The following UNC13A variants were observed in gnomAD, a reference collection of about 807,000 sequenced individuals.
UNC13A encodes protein unc-13 homolog A.
In UNC13A, 61 loss-of-function variants were observed where a neutral mutation model predicts 219.7. That is an observed-to-expected ratio of 0.28 (90% CI 0.23 to 0.34). The LOEUF is 0.34. UNC13A is among the 10% of genes least tolerant of loss of function. The pLI, the probability that UNC13A is intolerant of heterozygous loss-of-function variation, is 1.00. For synonymous variants in UNC13A, 920 were observed against 884.6 expected, an observed-to-expected ratio of 1.04 and a Z score of -0.71; for missense variants, 1,476 against 2,270.3, an observed-to-expected ratio of 0.65 and a Z score of 7.11.
chr19:17,679,121 G>A (rs2079957732), intron 1 of UNC13A, among the ~76,000 whole-genome samples: 1 of 151,930 alleles, frequency 6.6e-6, no homozygotes, highest in Admixed American at 6.6e-5. Context: ...AGGGAGAGAG[G>A]CTGGGCGTGG....
intron 37 of UNC13A, 83 bp downstream of exon 37, chr19:17,621,749 C>A (rs2076731991): frequency 1.3e-6 from 2 of 1,490,260 alleles, no homozygotes; most frequent in East Asian, 4.5e-5. Context: ...GCCCTTCCTG[C>A]CCAGGTGCAC....
chr19:17,663,749 C>T (rs2079593494), intron 7 of UNC13A, among the ~76,000 whole-genome samples, 182 bp from the exon 8 acceptor site: 1 of 152,082 alleles, frequency 6.6e-6, no homozygotes, highest in Admixed American at 6.6e-5. Flanking sequence ...CTCTGCTCTC[C>T]ACCTTGGGAG....
chr19:17,671,489 G>A (rs573282473), intron 4 of UNC13A, among the ~76,000 whole-genome samples: 9 of 152,226 alleles, frequency 5.9e-5, no homozygotes, highest in African/African-American at 2.2e-4. Context: ...ACATGACCAC[G>A]GCCTGGCATG....
At chr19:17,628,315 T>TTACGGC in intron 31 of UNC13A, 1 of 195,722 alleles carries the variant, frequency 5.1e-6, no homozygotes, top group Non-Finnish European at 1.0e-5. Context: ...TGAAGGCGTG[T>TTACGGC]GCCCTCACCC....
Position 17,618,903 on chromosome 19 carries a change from C to T in UNC13A, c.4329+3G>A. ...CACGCCATAATCTATCCCCACTCCT[C>T]ACCTTGAGTTTGGACAGCTGACCCA... On this transcript the variant is annotated splice_donor_region_variant and intron_variant, in intron 39 of 43. Coordinates refer to ENST00000519716, the MANE Select transcript of UNC13A (RefSeq NM_001080421.3). The T allele has an allele frequency of 6.2e-7, 1 of 1,613,968 alleles. No homozygotes were observed. The highest frequency in any genetic ancestry group is 8.5e-7 in the Non-Finnish European group (1 of 1,179,872).
chr19:17,658,091 G>A lies in UNC13A; in HGVS notation c.738C>T (p.Tyr246=), dbSNP rs377524731. The change falls in exon 9 of 44, where the codon TAC becomes TAT. Residue 246 remains tyrosine (Y), a synonymous_variant. Transcript: ENST00000519716. Reference sequence around the variant, plus strand: ...GGGCTTGTGGCTCAGAGAACTCCTCGTAACTGTGCATGGAGTCACTGTAGG... The same window carrying A: ...GGGCTTGTGGCTCAGAGAACTCCTCATAACTGTGCATGGAGTCACTGTAGG... ...RESYSDSMHS[Y]EEFSEPQALS... 7.7e-5 allele frequency: 124 copies of A among 1,613,586 alleles called. 1 individual carries two copies. In the African/African-American group the frequency reaches 1.3e-3, roughly 17 times the overall value.
intron 41 of UNC13A, 89 bp downstream of exon 41, chr19:17,617,612 CA>C (rs1354436413): frequency 3.4e-5 from 52 of 1,551,560 alleles, no homozygotes; most frequent in Non-Finnish European, 4.2e-5. Flanking sequence ...CATGACGTCA[CA>C]GGGGAGTGAG....
chr19:17,648,299 T>C, intron 16 of UNC13A, 132 bp downstream of exon 16: 2 of 378,486 alleles, frequency 5.3e-6, no homozygotes, highest in Non-Finnish European at 6.7e-6. Context: ...CTCCCCTGCC[T>C]CACGACGCCC....
chr19:17,609,891 G>C (rs1050125733), intron 43 of UNC13A, 49 bp downstream of exon 43: 8 of 1,604,794 alleles, frequency 5.0e-6, no homozygotes, highest in African/African-American at 2.7e-5. Context: ...TTCACCTGGC[G>C]GATGCCCCCT....
In UNC13A at chr19:17,647,495, G is replaced by A; in HGVS notation, c.1817-3C>T. 1 of 1,610,678 alleles carries A rather than the reference G, an allele frequency of 6.2e-7. No homozygotes were observed. The highest frequency in any genetic ancestry group is 8.5e-7 in the Non-Finnish European group (1 of 1,179,406). On this transcript the variant is annotated splice_region_variant and splice_polypyrimidine_tract_variant and intron_variant, in intron 16 of 43. Transcript: ENST00000519716. ...CTTGGAGCTCTTCTCCGCAGCCCCT[G>A]AGGACGCCCGAGGCCGGCGCTGACC... is the stretch of plus-strand genomic sequence containing the variant.
At chr19:17,669,420 G>C (rs770437242) in intron 5 of UNC13A, 133 bp downstream of exon 5, 1 of 1,291,040 alleles carries the variant, frequency 7.7e-7, no homozygotes, top group African/African-American at 1.5e-5. Flanking sequence ...TCTCTCCTCC[G>C]GGGCGAAGGA....
At position 17,649,698 on chromosome 19, in the gene UNC13A, C is replaced by CA. The variant is rs1438257130; in HGVS notation, c.1440-112dup. The CA allele has an allele frequency of 6.1e-5, 73 of 1,198,882 alleles. No homozygotes were observed. Among genetic ancestry groups the CA allele is most frequent in the Admixed American group, 1.4e-4 (7 of 50,144 alleles). The allele number at this position is 1,198,882 out of a possible 1,614,324, so 74.3% of individuals were successfully genotyped here. On this transcript the variant is annotated intron_variant, in intron 12 of 43. Transcript: ENST00000519716. This position sits in a 1 kb window ranked among gnomAD's most constrained non-coding sequence, Gnocchi z 4.4. ...TGTTAAGGGGTTGAATTGGGTCCCT[C>CA]AAAAAAAAGATACGCTGATGCCCTA...
chr19:17,647,308 C>T lies in UNC13A; in HGVS notation c.2001G>A (p.Val667=). The part of the protein sequence containing the change: ...TQQMKAVKQS[V]LDGTSKWSAK... ...CGGACCACTTGGACGTGCCGTCCAG[C>T]ACGCTCTGCTTGACCGCCTTCATCT... The change falls in exon 17 of 44, where the codon GTG becomes GTA. Residue 667 remains valine (V), a synonymous_variant. Coordinates refer to ENST00000519716, the MANE Select transcript of UNC13A (RefSeq NM_001080421.3). The T allele has an allele frequency of 1.2e-6, 2 of 1,606,734 alleles. No individual in the cohort carries two copies. Among genetic ancestry groups the T allele is most frequent in the East Asian group, 2.2e-5 (1 of 44,620 alleles).
intron 42 of UNC13A, 111 bp downstream of exon 42, chr19:17,611,652 G>A (rs1379024356): frequency 3.0e-6 from 3 of 1,007,372 alleles, no homozygotes; most frequent in South Asian, 1.6e-5. Context: ...GGACGTTTCC[G>A]TTTCATGGAC....
At chr19:17,640,120 C>A (rs559139006) in intron 22 of UNC13A, among the ~76,000 whole-genome samples, 1 of 151,992 alleles carries the variant, frequency 6.6e-6, no homozygotes, top group Non-Finnish European at 1.5e-5. Flanking sequence ...CTGCAACCTC[C>A]GACTCCTAGG....
At chr19:17,614,868 G>A (rs927603867) in intron 41 of UNC13A, among the ~76,000 whole-genome samples, 6 of 152,130 alleles carry the variant, frequency 3.9e-5, no homozygotes, top group African/African-American at 9.7e-5. Context: ...AGCTCAATCC[G>A]GGCCAGACTG....
rs1483161448 is a variant in UNC13A, at chr19:17,605,791, G to C, written c.*263C>G. ...CCATCCCAGCTCAAAATGCCCCCTAGGTGCTGGGGGCGTGGCCTCAAGTTG... is the reference window on the plus strand; with the variant it reads ...CCATCCCAGCTCAAAATGCCCCCTACGTGCTGGGGGCGTGGCCTCAAGTTG... On this transcript the variant is annotated 3_prime_UTR_variant, in exon 44 of 44. Transcript: ENST00000519716. 2 of 418,600 alleles carry C rather than the reference G, an allele frequency of 4.8e-6. No individual in the cohort carries two copies. Among genetic ancestry groups the C allele is most frequent in the Non-Finnish European group, 8.4e-6 (2 of 239,026 alleles). The allele number at this position is 418,600 out of a possible 1,614,324, so 25.9% of individuals were successfully genotyped here.
At chr19:17,682,849 T>C (rs1402328365) in intron 1 of UNC13A, among the ~76,000 whole-genome samples, 1 of 151,780 alleles carries the variant, frequency 6.6e-6, no homozygotes, top group Admixed American at 6.6e-5. Context: ...GATCACTTGG[T>C]GGTCAGGAGT....
rs542368707 is a variant in UNC13A at position 17,633,165 on chromosome 19, T to G, written c.3244A>C (p.Ile1082Leu). ...AGATTCCACATCACTTCAGCGCTGA[T>G]TTTACCCACATTCAGCTCCTGGGGA... is the stretch of plus-strand genomic sequence containing the variant. The part of the protein sequence containing the change: ...QFPQELNVGK[I>L]SAEVMWNLFA... The change falls in exon 27 of 44, where the codon ATC becomes CTC. Residue 1082 changes from isoleucine (I) to leucine (L), a missense_variant. By Grantham distance (5) the Ile-to-Leu change is conservative. Around this residue, in one of 14 missense-constraint regions of UNC13A, gnomAD observed 218 missense variants for 409.4 expected, o/e 0.53. Coordinates refer to ENST00000519716, the MANE Select transcript of UNC13A (RefSeq NM_001080421.3). 1 of 1,614,082 alleles carries G rather than the reference T, an allele frequency of 6.2e-7. No homozygotes were observed. Among genetic ancestry groups the G allele is most frequent in the East Asian group, 2.2e-5 (1 of 44,890 alleles).
Sources: allele counts gnomAD v4.1 joint callset (sites outside exome capture counted in the v4.1 genomes callset), GRCh38; gene constraint gnomAD v4.1.1; regional missense constraint gnomAD v4.1.1; non-coding constraint Gnocchi (gnomAD v3.1); transcripts MANE v1.5; gene names NCBI Gene and HGNC (gene_info 2026-07-23, HGNC 2026-07-21).